The following DNM2 variants were observed in gnomAD, a reference collection of about 807,000 sequenced individuals.
DNM2 encodes the protein dynamin-2.
DNM2 carries 15 observed loss-of-function variants against 99.0 expected under a neutral mutation model. The ratio of observed to expected loss-of-function variants is 0.15; its 90% CI spans 0.10 to 0.23. DNM2 has a LOEUF of 0.23. Among genes scored for constraint, DNM2 ranks in the 10% least tolerant of loss-of-function variants. The probability of loss-of-function intolerance (pLI) is 1.00; values close to 1 mark genes in which losing one functional copy is unlikely to be tolerated. For missense variants in DNM2, 742 were observed against 1,189.4 expected (o/e 0.62, Z 5.53); for synonymous variants, 525 against 481.2 (o/e 1.09, Z -1.19).
chr19:10,759,684 C>A (rs1202825711), intron 1 of DNM2, 54 bp from the exon 2 acceptor site: 2 of 1,609,648 alleles, frequency 1.2e-6, no homozygotes, highest in Non-Finnish European at 1.7e-6. Context: ...GTCACACTTC[C>A]TGCCCCTCGA....
intron 12 of DNM2, among the ~76,000 whole-genome samples, chr19:10,804,192 G>A (rs1187057654): frequency 1.3e-5 from 2 of 152,084 alleles, no homozygotes; most frequent in East Asian, 3.9e-4. Flanking sequence ...GGGCCACCTT[G>A]TGGGCTGCTA....
intron 2 of DNM2, 136 bp downstream of exon 2, chr19:10,759,947 G>T: frequency 3.9e-6 from 5 of 1,273,324 alleles, no homozygotes; most frequent in Non-Finnish European, 5.7e-6. Context: ...ACATGTGTGA[G>T]GAAATTGAAA....
rs1843391993 is a variant in DNM2 at position 10,811,787 on chromosome 19, C to T, written c.1558-477C>T. 2 of 518,360 alleles carry T rather than the reference C, an allele frequency of 3.9e-6. No homozygotes were observed. The highest frequency in any genetic ancestry group is 2.8e-5 in the South Asian group (2 of 71,452). The allele number at this position is 518,360 out of a possible 1,614,324, so 32.1% of individuals were successfully genotyped here. A position where few individuals can be genotyped will look rare whatever the true frequency, so the allele number is the denominator to read the frequency against. ...CTGATGTGTCAGTCAAAAGGATGAC[C>T]ACCAGGCTTGCAGCCAGCTTGGGAC... On this transcript the variant is annotated intron_variant, in intron 14 of 20. Coordinates refer to ENST00000389253, the MANE Select transcript of DNM2 (RefSeq NM_001005361.3). The surrounding 1 kb of genome is among the most constrained non-coding windows in gnomAD (Gnocchi z 5.4).
At position 10,797,941 on chromosome 19, in the gene DNM2, T is replaced by G. The variant is rs568359943; in HGVS notation, c.1335+423T>G. On this transcript the variant is annotated intron_variant, in intron 10 of 20. Transcript: ENST00000389253. ...TGACCCACACTGCAGAAGATGGGACTCCCCTGTGCATGAGGTCTGGTTAAG... is the reference window on the plus strand; with the variant it reads ...TGACCCACACTGCAGAAGATGGGACGCCCCTGTGCATGAGGTCTGGTTAAG... 2.0e-5 allele frequency among the ~76,000 whole-genome samples: 3 copies of G among 152,236 alleles called. No homozygotes were observed. In the East Asian group the frequency reaches 5.8e-4, roughly 29 times the overall value.
chr19:10,762,919 G>A (rs1014107378), intron 2 of DNM2, among the ~76,000 whole-genome samples: 3 of 152,168 alleles, frequency 2.0e-5, no homozygotes, highest in Non-Finnish European at 4.4e-5. Context: ...TGGCAGCTGT[G>A]GTGGAGGTGG....
At chr19:10,742,465 T>C (rs932801028) in intron 1 of DNM2, among the ~76,000 whole-genome samples, 1 of 152,184 alleles carries the variant, frequency 6.6e-6, no homozygotes, top group African/African-American at 2.4e-5. Flanking sequence ...CCCCATAGTG[T>C]AGGTGCTGTT....
At chr19:10,740,342 T>C (rs2069697638) in intron 1 of DNM2, among the ~76,000 whole-genome samples, 1 of 152,094 alleles carries the variant, frequency 6.6e-6, no homozygotes, top group Non-Finnish European at 1.5e-5. Context: ...TGGAAGATTA[T>C]TGAAATCTGA....
At chr19:10,776,297 G>A (rs543607486) in intron 4 of DNM2, among the ~76,000 whole-genome samples, 3 of 152,360 alleles carry the variant, frequency 2.0e-5, no homozygotes, top group Middle Eastern at 3.4e-3. Context: ...GCTGATGTGA[G>A]GACTGTTGAA....
At chr19:10,783,233 T>C in intron 6 of DNM2, 113 bp downstream of exon 6, 4 of 1,498,744 alleles carry the variant, frequency 2.7e-6, no homozygotes, top group South Asian at 1.2e-5. Context: ...TTTAGCAAAA[T>C]GGGTTCAGTC....
chr19:10,793,675 G>A lies in DNM2; in HGVS notation c.993-45G>A, dbSNP rs771739710. 35 of 1,614,046 alleles carry A rather than the reference G, an allele frequency of 2.2e-5. No individual in the cohort carries two copies. The East Asian group carries it at 7.6e-4, about 35-fold the overall frequency. On this transcript the variant is annotated intron_variant, in intron 7 of 20. Coordinates refer to ENST00000389253, the MANE Select transcript of DNM2 (RefSeq NM_001005361.3). ...ACTTGGAACATCATTCCAGAGTAGT[G>A]TGGAAACCTCCGTTTTGATGCTTGC...
chr19:10,767,959 C>T (rs936405397), intron 2 of DNM2, among the ~76,000 whole-genome samples: 1 of 152,116 alleles, frequency 6.6e-6, no homozygotes, highest in African/African-American at 2.4e-5. Flanking sequence ...TTTACTTTCA[C>T]CATGCCAGGG....
At chr19:10,751,589 G>A (rs1437353551) in intron 1 of DNM2, among the ~76,000 whole-genome samples, 6 of 152,184 alleles carry the variant, frequency 3.9e-5, no homozygotes, top group Admixed American at 3.9e-4. Context: ...CTTCTGGGGG[G>A]CTCATTTCGG....
chr19:10,773,155 T>C (rs1230542017), intron 3 of DNM2, among the ~76,000 whole-genome samples: 6 of 149,554 alleles, frequency 4.0e-5, no homozygotes, highest in Admixed American at 1.3e-4. Flanking sequence ...AATTTTTTTT[T>C]TTTTTTTTTT....
At chr19:10,727,035 G>A (rs182323372) in intron 1 of DNM2, among the ~76,000 whole-genome samples, 30 of 152,248 alleles carry the variant, frequency 2.0e-4, no homozygotes, top group African/African-American at 5.8e-4. Flanking sequence ...ATCCTGTCTT[G>A]TTTAAAACGA....
chr19:10,723,534 C>T (rs2069012031), intron 1 of DNM2, among the ~76,000 whole-genome samples: 1 of 152,218 alleles, frequency 6.6e-6, no homozygotes, highest in South Asian at 2.1e-4. Flanking sequence ...TCCCAAGGTG[C>T]TGGGATTGCA....
intron 2 of DNM2, among the ~76,000 whole-genome samples, chr19:10,762,823 G>C (rs1291885673): frequency 6.9e-6 from 1 of 145,268 alleles, no homozygotes; most frequent in African/African-American, 2.4e-5. Flanking sequence ...GTGGAAAAGG[G>C]ACCACAGGGG....
chr19:10,774,159 G>A (rs1169554098), intron 3 of DNM2, among the ~76,000 whole-genome samples: 1 of 152,186 alleles, frequency 6.6e-6, no homozygotes, highest in Non-Finnish European at 1.5e-5. Context: ...GCAAACATGA[G>A]CTGGGTGTGG....
chr19:10,774,457 A>C (rs2071082906), intron 3 of DNM2, among the ~76,000 whole-genome samples: 1 of 152,058 alleles, frequency 6.6e-6, no homozygotes, highest in East Asian at 1.9e-4. Context: ...ATGGAGTTTC[A>C]CTCTTATTGC....
chr19:10,725,495 G>A (rs1404591759), intron 1 of DNM2, among the ~76,000 whole-genome samples: 3 of 151,796 alleles, frequency 2.0e-5, no homozygotes, highest in African/African-American at 7.3e-5. Context: ...GGCTCGGTTA[G>A]GGTGGTCTGC....
Sources: allele counts gnomAD v4.1 joint callset (sites outside exome capture counted in the v4.1 genomes callset), GRCh38; gene constraint gnomAD v4.1.1; non-coding constraint Gnocchi (gnomAD v3.1); transcripts MANE v1.5; gene names NCBI Gene and HGNC (gene_info 2026-07-23, HGNC 2026-07-21).